The following MYSM1 variants were observed in gnomAD, a reference collection of about 807,000 sequenced individuals.
The protein encoded by MYSM1 is Myb like, SWIRM and MPN domains 1.
A neutral mutation model predicts 116.0 loss-of-function variants in MYSM1; 51 were observed. The observed-to-expected ratio is 0.44, with a 90% confidence interval of 0.35 to 0.56. MYSM1 has a LOEUF of 0.56. Ranked by LOEUF, MYSM1 falls within the 20% of genes least tolerant of loss-of-function variation. The pLI is 0.00. For missense variants in MYSM1, 900 were observed against 974.9 expected, an observed-to-expected ratio of 0.92 and a Z score of 1.02; for synonymous variants, 313 against 315.2, an observed-to-expected ratio of 0.99 and a Z score of 0.07.
rs869216071 is a variant in MYSM1 at position 58,662,454 on chromosome 1, AC to A, written c.2165-944del. 1.6e-3 allele frequency among the ~76,000 whole-genome samples: 93 copies of A among 59,226 alleles called. 2 individuals are homozygous for A. In the South Asian group the frequency reaches 0.058, roughly 37 times the overall value. The allele number at this position is 59,226 out of a possible 152,430, so 38.9% of individuals were successfully genotyped here. On this transcript the variant is annotated intron_variant, in intron 17 of 19. Transcript: ENST00000472487. Reference sequence around the variant, plus strand: ...TTAAATGAAGTAGCTGCCATTATTCACCCCCCCCTTTTTTTTTTTTCGATGA... The same window carrying A: ...TTAAATGAAGTAGCTGCCATTATTCACCCCCCCTTTTTTTTTTTTCGATGA...
In MYSM1 at chr1:58,667,916, A is replaced by C. The variant is rs755205402; in HGVS notation, c.1773T>G (p.Ala591=). The change falls in exon 15 of 20, where the codon GCT becomes GCG. Residue 591 remains alanine, a synonymous_variant. Coordinates refer to ENST00000472487, the MANE Select transcript of MYSM1 (RefSeq NM_001085487.3). ...CAATCACTTCTGCCATAGAAACATG[A>C]GCATGCTAAAAGAAATACAAGACAG... ...SEALLIMDLH[A]HVSMAEVIGL... 1.2e-6 allele frequency: 2 copies of C among 1,611,228 alleles called. No homozygotes were observed. Among genetic ancestry groups the C allele is most frequent in the South Asian group, 1.1e-5 (1 of 90,998 alleles).
chr1:58,685,117 T>C, intron 7 of MYSM1, 36 bp downstream of exon 7: 1 of 1,482,876 alleles, frequency 6.7e-7, no homozygotes, highest in Admixed American at 2.3e-5. Flanking sequence ...TTCTAAATAT[T>C]ATCATTATTA....
chr1:58,667,470 C>T (rs1402708474), intron 15 of MYSM1, among the ~76,000 whole-genome samples: 3 of 152,204 alleles, frequency 2.0e-5, no homozygotes, highest in Non-Finnish European at 4.4e-5. Flanking sequence ...GGTCAGCCCA[C>T]ATAATACCTG....
chr1:58,698,515 C>G (rs139794628), intron 1 of MYSM1, among the ~76,000 whole-genome samples: 12 of 151,884 alleles, frequency 7.9e-5, no homozygotes, highest in African/African-American at 2.7e-4. Flanking sequence ...ACCAGTAGAC[C>G]TAGGCCTCAA....
rs770044881 is a variant in MYSM1, at chr1:58,668,716, C to G, written c.1717-34G>C. On this transcript the variant is annotated intron_variant, in intron 13 of 19. Coordinates refer to ENST00000472487, the MANE Select transcript of MYSM1 (RefSeq NM_001085487.3). ...TAAAAAACAAAACAAAACGGGGGAG[C>G]ATAAAAATAGAGATTTTTGTTTTCC... 7 of 1,566,906 alleles carry G rather than the reference C, an allele frequency of 4.5e-6. No homozygotes were observed. In the African/African-American group the frequency reaches 9.5e-5, roughly 21 times the overall value.
chr1:58,685,229 G>A lies in MYSM1; in HGVS notation c.422C>T (p.Thr141Ile). ...GCTTCCAATTAGCTTTGAAATTTTG[G>A]TCCATCTTCGGCCAAATTTAGCCTG... ...QGLAKFGRRW[T>I]KISKLIGSRT... The change falls in exon 7 of 20, where the codon ACC becomes ATC. Residue 141 changes from threonine (T) to isoleucine (I), a missense_variant. Thr to Ile is a moderately conservative substitution (Grantham distance 89). Around this residue, in one of 3 missense-constraint regions of MYSM1, gnomAD observed 622 missense variants for 623.7 expected, o/e 1.00. Coordinates refer to ENST00000472487, the MANE Select transcript of MYSM1 (RefSeq NM_001085487.3). 6.2e-7 allele frequency: 1 copy of A among 1,605,584 alleles called. No individual in the cohort carries two copies. The highest frequency in any genetic ancestry group is 8.5e-7 in the Non-Finnish European group (1 of 1,177,360).
Position 58,680,006 on chromosome 1 carries a change from G to T in MYSM1, c.1259+1779C>A, listed in dbSNP as rs150412434. ...CATGCCAAGGCACTCCAGCCTGGGA[G>T]AAAGAGTGAGACTCTGTCTCAAAAA... is the stretch of plus-strand genomic sequence containing the variant. On this transcript the variant is annotated intron_variant, in intron 8 of 19. Coordinates refer to ENST00000472487, the MANE Select transcript of MYSM1 (RefSeq NM_001085487.3). Among the ~76,000 whole-genome samples the T allele has an allele frequency of 5.8e-4, 79 of 135,476 alleles. No individual in the cohort carries two copies. In the East Asian group the frequency reaches 0.016, roughly 28 times the overall value. The allele number at this position is 135,476 out of a possible 152,430, so 88.9% of individuals were successfully genotyped here.
intron 9 of MYSM1, 99 bp from the exon 10 acceptor site, chr1:58,675,679 G>A: frequency 1.2e-6 from 1 of 821,484 alleles, no homozygotes; most frequent in Middle Eastern, 3.3e-4. Context: ...GGGCTTCTAT[G>A]ACTCTTATTT....
At position 58,656,771 on chromosome 1, in the gene MYSM1, C is replaced by T. The variant is rs1644324274; in HGVS notation, c.*3226G>A. ...CCCTTCAGAATACAGGCAATGCCAA[C>T]TTATCCATTAGGCACAGTACCTAAG... On this transcript the variant is annotated 3_prime_UTR_variant, in exon 20 of 20. Coordinates refer to ENST00000472487, the MANE Select transcript of MYSM1 (RefSeq NM_001085487.3). The T allele has an allele frequency of 6.6e-6, 1 of 152,160 alleles. No individual in the cohort carries two copies. Among genetic ancestry groups the T allele is most frequent in the Non-Finnish European group, 1.5e-5 (1 of 68,028 alleles). 9.4% of individuals were successfully genotyped at this position (152,160 alleles called of 1,614,324 possible).
At chr1:58,682,628 A>T in intron 7 of MYSM1, 83 bp from the exon 8 acceptor site, 1 of 1,271,854 alleles carries the variant, frequency 7.9e-7, no homozygotes, top group Non-Finnish European at 1.1e-6. Context: ...GGATAAATAT[A>T]CAGTGTTATT....
intron 11 of MYSM1, 147 bp from the exon 12 acceptor site, chr1:58,672,105 A>G (rs1644570677): frequency 3.1e-6 from 2 of 636,068 alleles, no homozygotes; most frequent in Non-Finnish European, 5.4e-6. Context: ...ACCAACATGT[A>G]GAAAGACTGG....
intron 6 of MYSM1, 80 bp from the exon 7 acceptor site, chr1:58,685,331 A>T: frequency 1.2e-6 from 1 of 855,110 alleles, no homozygotes; most frequent in Non-Finnish European, 1.8e-6. Flanking sequence ...ACATTAAAAA[A>T]AAAAAAACTT....
intron 8 of MYSM1, among the ~76,000 whole-genome samples, chr1:58,681,278 AT>A (rs1477045221): frequency 6.6e-6 from 1 of 152,252 alleles, no homozygotes; most frequent in African/African-American, 2.4e-5. Flanking sequence ...AATAAGCTTC[AT>A]CTATCAGAAA....
At chr1:58,683,092 A>G (rs972597123) in intron 7 of MYSM1, among the ~76,000 whole-genome samples, 1 of 152,200 alleles carries the variant, frequency 6.6e-6, no homozygotes, top group African/African-American at 2.4e-5. Context: ...CACCATTTAA[A>G]ATTTCTATAA....
At chr1:58,692,377 G>C (rs1484457621) in intron 3 of MYSM1, 2 of 152,226 alleles carry the variant, frequency 1.3e-5, no homozygotes, top group Admixed American at 1.3e-4. Context: ...CTATAAATAA[G>C]GATCCACAAA....
rs1644888107 is a variant in MYSM1 at position 58,690,412 on chromosome 1, T to A, written c.224A>T (p.Tyr75Phe). 2.5e-6 allele frequency: 4 copies of A among 1,592,364 alleles called. No homozygotes were observed. Among genetic ancestry groups the A allele is most frequent in the Non-Finnish European group, 1.7e-6 (2 of 1,167,124 alleles). ...IEKMLLEEEYYLSKKSQPEKV... is the reference protein window; with the variant it reads ...IEKMLLEEEYFLSKKSQPEKV... The stretch of plus-strand genomic sequence containing the variant: ...TTCCGGTTGTGATTTTTTAGATAAA[T>A]AATATCTGTGTAACTATCAAGGAAA... Residue 75 changes from tyrosine to phenylalanine, a missense_variant, in exon 4 of 20, where the codon TAT becomes TTT. Tyr to Phe is a conservative substitution (Grantham distance 22). This residue lies in a region of MYSM1 where 622 missense variants were observed against 623.7 expected (regional missense o/e 1.00). Transcript: ENST00000472487.
Position 58,687,148 on chromosome 1 carries a change from T to C in MYSM1, c.399+1890A>G, listed in dbSNP as rs187738115. Among the ~76,000 whole-genome samples the C allele has an allele frequency of 3.9e-5, 6 of 152,224 alleles. No individual in the cohort carries two copies. The East Asian group carries it at 5.8e-4, about 15-fold the overall frequency. ...TCAGTCTGTAAGCAAACTTTATCAA[T>C]GGTTTAAAAAAAAGCTGAAAATACA... On this transcript the variant is annotated intron_variant, in intron 6 of 19. Transcript: ENST00000472487.
At position 58,667,027 on chromosome 1, in the gene MYSM1, A is replaced by G. The variant is rs745604424; in HGVS notation, c.2031+11T>C. 5.8e-6 allele frequency: 9 copies of G among 1,555,832 alleles called. No homozygotes were observed. Among genetic ancestry groups the G allele is most frequent in the Non-Finnish European group, 7.9e-6 (9 of 1,135,288 alleles). ...GCAACCATTTACAGAATATAAATAT[A>G]CATGTAATACCTGGTATTTAGCTTG... On this transcript the variant is annotated intron_variant, in intron 16 of 19. Coordinates refer to ENST00000472487, the MANE Select transcript of MYSM1 (RefSeq NM_001085487.3).
At chr1:58,686,531 G>C (rs1644830032) in intron 6 of MYSM1, among the ~76,000 whole-genome samples, 1 of 152,156 alleles carries the variant, frequency 6.6e-6, no homozygotes, top group African/African-American at 2.4e-5. Context: ...TCACCCAAGT[G>C]ATAAACCTTA....
Sources: gnomAD v4.1 joint callset for allele counts (sites outside exome capture counted in the v4.1 genomes callset) on GRCh38, gnomAD v4.1.1 for gene constraint, gnomAD v4.1.1 regional missense constraint, MANE v1.5 for transcripts, NCBI Gene and HGNC (gene_info 2026-07-23, HGNC 2026-07-21) for gene names.